The following DAB1 variants were observed in gnomAD, a reference collection of about 807,000 sequenced individuals.
DAB1 encodes the protein DAB adaptor protein 1.
A neutral mutation model predicts 64.6 loss-of-function variants in DAB1; 15 were observed. The observed-to-expected ratio is 0.23, with a 90% CI of 0.16 to 0.36. DAB1 has a LOEUF of 0.36. Among genes scored for constraint, DAB1 ranks in the 10% least tolerant of loss-of-function variants. The probability of loss-of-function intolerance (pLI) is 1.00; values close to 1 mark genes in which losing one functional copy is unlikely to be tolerated. For synonymous variants in DAB1, 235 were observed against 251.9 expected (o/e 0.93, Z 0.64); for missense variants, 596 against 706.7 (o/e 0.84, Z 1.78).
chr1:57,594,607 G>A lies in DAB1; in HGVS notation n.625+54985C>T, dbSNP rs369395589. Among the ~76,000 whole-genome samples the A allele has an allele frequency of 1.1e-4, 16 of 152,214 alleles. No individual in the cohort carries two copies. The South Asian group carries it at 1.2e-3, about 12-fold the overall frequency. ...AAATTCTGAAACAGAATAATCCTAAGCTCAATGCTATTTACCCAGGAAAAA... is the reference window on the plus strand; with the variant it reads ...AAATTCTGAAACAGAATAATCCTAAACTCAATGCTATTTACCCAGGAAAAA... On this transcript the variant is annotated intron_variant and non_coding_transcript_variant, in intron 7 of 20. Coordinates refer to the DAB1 transcript ENST00000485760.
chr1:58,312,606 C>T (rs1452565498), intron 4 of DAB1, among the ~76,000 whole-genome samples: 2 of 152,176 alleles, frequency 1.3e-5, no homozygotes, highest in African/African-American at 2.4e-5. Flanking sequence ...TATGCTAAAA[C>T]TTATAAGTGT....
In DAB1 at chr1:58,365,869, C is replaced by T. The variant is rs150804372; in HGVS notation, n.258-22466G>A. On this transcript the variant is annotated intron_variant and non_coding_transcript_variant, in intron 3 of 20. Transcript: ENST00000485760. ...CTCACTTGCCTCACCCTAGTCCTGA[C>T]CCTGCAACTTGTGACAGTTGGTATG... 2.6e-4 allele frequency among the ~76,000 whole-genome samples: 39 copies of T among 152,254 alleles called. No homozygotes were observed. In the East Asian group the frequency reaches 5.6e-3, roughly 22 times the overall value.
chr1:57,426,874 A>ATTTTTTTTT (rs34515405), upstream of DAB1, among the ~76,000 whole-genome samples: 14 of 149,184 alleles, frequency 9.4e-5, no homozygotes, highest in African/African-American at 3.5e-4. Context: ...ATATATATAT[A>ATTTTTTTTT]TTTTTTTGAG....
intron 7 of DAB1, among the ~76,000 whole-genome samples, chr1:57,598,261 C>T (rs1475451197): frequency 5.3e-5 from 8 of 152,168 alleles, no homozygotes; most frequent in African/African-American, 1.9e-4. Flanking sequence ...GGATTACAGG[C>T]GTGAGCCACG....
intron 4 of DAB1, among the ~76,000 whole-genome samples, chr1:58,262,738 A>G (rs1056793470): frequency 3.3e-5 from 5 of 152,206 alleles, no homozygotes; most frequent in African/African-American, 1.2e-4. Context: ...AGGCACAATT[A>G]TTCATCCCAA....
intron 4 of DAB1, among the ~76,000 whole-genome samples, chr1:58,152,982 C>T (rs901031498): frequency 2.0e-5 from 3 of 152,204 alleles, no homozygotes; most frequent in African/African-American, 7.2e-5. Flanking sequence ...GACCACATGA[C>T]ATTGCTTCTG....
chr1:57,215,696 A>G (rs1214586766), intron 2 of DAB1, among the ~76,000 whole-genome samples: 1 of 152,224 alleles, frequency 6.6e-6, no homozygotes, highest in Non-Finnish European at 1.5e-5. Flanking sequence ...GATCACTGAA[A>G]GTAAAAAATT....
chr1:58,266,672 C>CCTA (rs1446969691), intron 4 of DAB1, among the ~76,000 whole-genome samples: 3 of 152,160 alleles, frequency 2.0e-5, no homozygotes, highest in Non-Finnish European at 4.4e-5. Flanking sequence ...TCCTAAGAAT[C>CCTA]CTATGAATCC....
chr1:57,951,474 T>C (rs1033882002), intron 5 of DAB1, among the ~76,000 whole-genome samples: 2 of 151,636 alleles, frequency 1.3e-5, no homozygotes, highest in East Asian at 1.9e-4. Flanking sequence ...GCTTCCCTAT[T>C]GCAAAGCTCT....
chr1:57,910,187 T>G (rs984579242), intron 5 of DAB1, among the ~76,000 whole-genome samples: 2 of 152,184 alleles, frequency 1.3e-5, no homozygotes, highest in Non-Finnish European at 2.9e-5. Flanking sequence ...TCTGTTTCCT[T>G]CTGCTCCCCT....
intron 2 of DAB1, among the ~76,000 whole-genome samples, chr1:57,216,635 A>G (rs569006253): frequency 7.0e-4 from 106 of 152,314 alleles, no homozygotes; most frequent in African/African-American, 2.5e-3. Context: ...GAAAACGCAT[A>G]CTCAGAGAGA....
intron 6 of DAB1, among the ~76,000 whole-genome samples, chr1:57,768,395 G>A (rs1649413245): frequency 1.3e-5 from 2 of 151,542 alleles, no homozygotes; most frequent in Admixed American, 1.3e-4. Context: ...AAAAAGACCT[G>A]GTATACGGTA....
chr1:57,956,377 C>A (rs1645394282), intron 5 of DAB1, among the ~76,000 whole-genome samples: 1 of 152,128 alleles, frequency 6.6e-6, no homozygotes, highest in African/African-American at 2.4e-5. Flanking sequence ...AGAGCAGCCC[C>A]CTTGAAGGGG....
At chr1:57,853,292 A>G (rs1653614240) in intron 1 of DAB1, among the ~76,000 whole-genome samples, 1 of 152,136 alleles carries the variant, frequency 6.6e-6, no homozygotes. Flanking sequence ...CAGGGAAAGA[A>G]AGGTAGAGAA....
chr1:57,505,663 T>C (rs189283290), intron 7 of DAB1, among the ~76,000 whole-genome samples: 47 of 152,314 alleles, frequency 3.1e-4, no homozygotes, highest in African/African-American at 1.1e-3. Context: ...TTGAAATAAC[T>C]GCTTAATTTC....
chr1:57,051,704 T>C lies in DAB1; in HGVS notation c.723+11180A>G, dbSNP rs929783564. Among the ~76,000 whole-genome samples, 6 of 152,094 alleles carry C rather than the reference T, an allele frequency of 3.9e-5. No individual in the cohort carries two copies. In the South Asian group the frequency reaches 1.2e-3, roughly 32 times the overall value. ...GGGGTTCCCAAACATCTCTTCAACA[T>C]CCAGTATGAAGAAAGCAGTGTGCCA... On this transcript the variant is annotated intron_variant, in intron 9 of 14. Coordinates refer to ENST00000371236, the MANE Select transcript of DAB1 (RefSeq NM_001365792.1).
At chr1:57,167,469 T>A (rs75524270) in intron 2 of DAB1, among the ~76,000 whole-genome samples, 14 of 152,276 alleles carry the variant, frequency 9.2e-5, no homozygotes, top group African/African-American at 3.4e-4. Flanking sequence ...TTCTTCTAGA[T>A]CCTTAATGGA....
At chr1:57,324,091 C>G (rs1675956876) in intron 1 of DAB1, among the ~76,000 whole-genome samples, 1 of 152,162 alleles carries the variant, frequency 6.6e-6, no homozygotes, top group African/African-American at 2.4e-5. Context: ...TATAGTCAGA[C>G]CTGGTTAATG....
intron 5 of DAB1, among the ~76,000 whole-genome samples, chr1:58,087,974 C>T (rs1289315734): frequency 6.6e-6 from 1 of 152,178 alleles, no homozygotes; most frequent in African/African-American, 2.4e-5. Context: ...CTGGGGAAGG[C>T]AACATACGGC....
Sources: allele counts gnomAD v4.1 joint callset (sites outside exome capture counted in the v4.1 genomes callset), GRCh38; gene constraint gnomAD v4.1.1; transcripts MANE v1.5; gene names NCBI Gene and HGNC (gene_info 2026-07-23, HGNC 2026-07-21).